MRPS28: variants seen among roughly 807,000 people sequenced by gnomAD.
MRPS28 encodes small ribosomal subunit protein bS1m.
A neutral mutation model predicts 10.8 loss-of-function variants in MRPS28; 7 were observed. That is an observed-to-expected ratio of 0.65 (90% CI 0.37 to 1.22). MRPS28 has a LOEUF of 1.22. MRPS28 is among the 50% of genes most tolerant of loss of function. The pLI, the probability that MRPS28 is intolerant of heterozygous loss-of-function variation, is 0.02. For synonymous variants in MRPS28, 121 were observed against 93.3 expected, an observed-to-expected ratio of 1.30 and a Z score of -1.71; for missense variants, 265 against 232.9, an observed-to-expected ratio of 1.14 and a Z score of -0.90.
intron 1 of MRPS28, among the ~76,000 whole-genome samples, chr8:80,016,413 C>CAA (rs201194420): frequency 3.7e-4 from 51 of 137,980 alleles, no homozygotes; most frequent in Admixed American, 7.9e-4. Context: ...TAAGAGGAAA[C>CAA]AAAAAAAAAA....
chr8:79,955,164 C>T (rs751402852), intron 2 of MRPS28, among the ~76,000 whole-genome samples: 2 of 152,198 alleles, frequency 1.3e-5, no homozygotes, highest in Non-Finnish European at 2.9e-5. Flanking sequence ...TTCCTGACTG[C>T]ACCCTTGGAT....
intron 1 of MRPS28, among the ~76,000 whole-genome samples, chr8:80,028,146 T>G (rs748488200): frequency 1.7e-4 from 26 of 152,214 alleles, no homozygotes; most frequent in Non-Finnish European, 2.9e-5. Context: ...TTACTATACA[T>G]GTGATGCTAC....
chr8:79,982,581 G>A (rs918632285), intron 2 of MRPS28, among the ~76,000 whole-genome samples: 4 of 152,288 alleles, frequency 2.6e-5, no homozygotes, highest in African/African-American at 7.2e-5. Context: ...CTTTTCCGAC[G>A]GTCTTAAAAA....
At chr8:79,920,685 T>C (rs1810067220) in intron 2 of MRPS28, among the ~76,000 whole-genome samples, 1 of 152,252 alleles carries the variant, frequency 6.6e-6, no homozygotes, top group Non-Finnish European at 1.5e-5. Flanking sequence ...ATTCTGGATA[T>C]TAGCCCTTTG....
chr8:79,984,098 G>C (rs1808070469), intron 2 of MRPS28, among the ~76,000 whole-genome samples: 2 of 152,098 alleles, frequency 1.3e-5, no homozygotes, highest in Admixed American at 1.3e-4. Context: ...ATACAAGCCA[G>C]AAGAGAGTGG....
chr8:79,983,111 T>A (rs1284517157), intron 2 of MRPS28, among the ~76,000 whole-genome samples: 1 of 152,082 alleles, frequency 6.6e-6, no homozygotes, highest in African/African-American at 2.4e-5. Flanking sequence ...GCATTCACGG[T>A]TCAAGAAAAT....
chr8:79,926,819 T>A (rs1162276279), intron 2 of MRPS28, among the ~76,000 whole-genome samples: 1 of 152,152 alleles, frequency 6.6e-6, no homozygotes, highest in African/African-American at 2.4e-5. Context: ...TTAAAGTTGT[T>A]TTTCTTAAAA....
chr8:79,947,009 T>C (rs1184581873), intron 2 of MRPS28, among the ~76,000 whole-genome samples: 1 of 152,174 alleles, frequency 6.6e-6, no homozygotes, highest in Non-Finnish European at 1.5e-5. Flanking sequence ...GGTATGTTTT[T>C]CAGTGTTTAC....
chr8:79,989,824 A>T (rs545095745), intron 2 of MRPS28, among the ~76,000 whole-genome samples: 2 of 152,172 alleles, frequency 1.3e-5, no homozygotes, highest in African/African-American at 2.4e-5. Flanking sequence ...CTAATTTCTC[A>T]TATTTCCAAT....
intron 2 of MRPS28, among the ~76,000 whole-genome samples, chr8:79,966,008 G>A (rs991534131): frequency 8.5e-5 from 13 of 152,124 alleles, no homozygotes; most frequent in African/African-American, 2.9e-4. Flanking sequence ...TTTTAAAAAA[G>A]AAAGGTAACA....
intron 2 of MRPS28, among the ~76,000 whole-genome samples, chr8:79,983,461 C>T (rs1415278376): frequency 2.6e-5 from 4 of 152,016 alleles, no homozygotes; most frequent in Non-Finnish European, 5.9e-5. Context: ...AGGCTTCAGA[C>T]GATCAAACTA....
At chr8:80,008,720 TG>T (rs1808939414) in intron 1 of MRPS28, among the ~76,000 whole-genome samples, 1 of 152,168 alleles carries the variant, frequency 6.6e-6, no homozygotes. Flanking sequence ...AAAACCACAA[TG>T]GGATAACCAT....
intron 2 of MRPS28, among the ~76,000 whole-genome samples, chr8:79,963,521 AC>A (rs1350481264): frequency 1.2e-4 from 19 of 152,002 alleles, no homozygotes; most frequent in African/African-American, 4.6e-4. Flanking sequence ...GCCTATGATT[AC>A]CCCCTTTCCA....
chr8:79,978,602 G>A (rs192572033), intron 2 of MRPS28, among the ~76,000 whole-genome samples: 49 of 152,214 alleles, frequency 3.2e-4, no homozygotes, highest in African/African-American at 1.2e-3. Flanking sequence ...CTTGAAAAAA[G>A]ACAGGATATA....
intron 2 of MRPS28, among the ~76,000 whole-genome samples, chr8:79,927,564 A>G (rs749881900): frequency 2.6e-5 from 4 of 152,224 alleles, no homozygotes; most frequent in Non-Finnish European, 5.9e-5. Context: ...TTAAATAGGT[A>G]TTGTTGAATT....
At position 80,030,223 on chromosome 8, in the gene MRPS28, G is replaced by A. The variant is rs776564876; in HGVS notation, c.26C>T (p.Ala9Val). MAALCRTR[A>V]VAAESHFLRV... ...CAGAAAATGGCTCTCGGCAGCCACA[G>A]CACGGGTCCGACACAGCGCCGCCAT... Residue 9 changes from alanine to valine, a missense_variant, in exon 1 of 3, where the codon GCT (alanine) becomes GTT (valine). Ala to Val is a moderately conservative substitution (Grantham distance 64, BLOSUM62 0). Coordinates refer to ENST00000276585, the MANE Select transcript of MRPS28 (RefSeq NM_014018.3). 40 of 1,614,074 alleles carry A rather than the reference G, an allele frequency of 2.5e-5. No homozygotes were observed. Among genetic ancestry groups the A allele is most frequent in the Non-Finnish European group, 3.0e-5 (35 of 1,180,044 alleles).
chr8:79,976,145 G>A lies in MRPS28; in HGVS notation c.395+26854C>T, dbSNP rs186590942. On this transcript the variant is annotated intron_variant, in intron 2 of 2. Transcript: ENST00000276585. ...GTTGTCCAGGCTGGAGTGCAATGGCGCAATCTCAGCTCACTGCAACCTCTG... is the reference window on the plus strand; with the variant it reads ...GTTGTCCAGGCTGGAGTGCAATGGCACAATCTCAGCTCACTGCAACCTCTG... Among the ~76,000 whole-genome samples, 1,021 of 151,570 alleles carry A rather than the reference G, an allele frequency of 6.7e-3. 11 individuals are homozygous for A. Among genetic ancestry groups the A allele is most frequent in the African/African-American group, 0.024 (973 of 41,294 alleles).
At chr8:80,026,500 T>C (rs1030231695) in intron 1 of MRPS28, among the ~76,000 whole-genome samples, 4 of 152,232 alleles carry the variant, frequency 2.6e-5, no homozygotes, top group Non-Finnish European at 4.4e-5. Context: ...GAAGTTCAAA[T>C]ATGCACTACA....
At chr8:79,983,063 C>G (rs1808020788) in intron 2 of MRPS28, among the ~76,000 whole-genome samples, 1 of 151,332 alleles carries the variant, frequency 6.6e-6, no homozygotes, top group African/African-American at 2.4e-5. Flanking sequence ...CCAGGTACTC[C>G]TCTGAGACAA....
Sources: allele counts gnomAD v4.1 joint callset (sites outside exome capture counted in the v4.1 genomes callset), GRCh38; gene constraint gnomAD v4.1.1; transcripts MANE v1.5; gene names NCBI Gene and HGNC (gene_info 2026-07-23, HGNC 2026-07-21).